CSMD1: variants seen among roughly 807,000 people sequenced by gnomAD.
The protein encoded by CSMD1 is CUB and Sushi multiple domains 1, also known as CUB and sushi domain-containing protein 1.
CSMD1 carries 213 observed loss-of-function variants against 417.5 expected under a neutral mutation model. The ratio of observed to expected loss-of-function variants is 0.51; its 90% confidence interval spans 0.46 to 0.57. CSMD1 has a LOEUF of 0.57. CSMD1 is among the 20% of genes least tolerant of loss of function. The pLI, the probability that CSMD1 is intolerant of heterozygous loss-of-function variation, is 0.00. For missense variants in CSMD1, 6,923 were observed against 4,529.7 expected, an observed-to-expected ratio of 1.53 and a Z score of -15.17; for synonymous variants, 2,862 against 1,736.8, an observed-to-expected ratio of 1.65 and a Z score of -16.11.
At chr8:4,001,849 G>A (rs1050225221) in intron 4 of CSMD1, among the ~76,000 whole-genome samples, 2 of 151,154 alleles carry the variant, frequency 1.3e-5, no homozygotes, top group African/African-American at 4.9e-5. Context: ...AGGCAAAATA[G>A]AAAAGTCAAA....
chr8:3,150,648 G>A (rs1257028313), intron 40 of CSMD1, among the ~76,000 whole-genome samples: 2 of 152,080 alleles, frequency 1.3e-5, no homozygotes, highest in Non-Finnish European at 2.9e-5. Flanking sequence ...TACTCTGCCC[G>A]AGGACATTCA....
At chr8:4,900,011 C>G (rs1003661024) in intron 1 of CSMD1, among the ~76,000 whole-genome samples, 1 of 152,112 alleles carries the variant, frequency 6.6e-6, no homozygotes, top group African/African-American at 2.4e-5. Context: ...TTGCTTTAAT[C>G]TATTCTCTTC....
chr8:2,994,803 G>A (rs555111061), intron 54 of CSMD1, among the ~76,000 whole-genome samples: 2 of 151,966 alleles, frequency 1.3e-5, no homozygotes, highest in African/African-American at 2.4e-5. Context: ...TCCTGATAAT[G>A]TTCCTTTGTA....
rs144905092 is a variant in CSMD1, at chr8:3,754,094, T to C, written c.819-52A>G. The C allele has an allele frequency of 2.2e-4, 262 of 1,218,384 alleles. No homozygotes were observed. The African/African-American group carries it at 3.4e-3, about 16-fold the overall frequency. The allele number at this position is 1,218,384 out of a possible 1,614,324, so 75.5% of individuals were successfully genotyped here. ...CTCCCTTGTAAACCAACAGAGCAAATGTCCTATATCAAACCCGCTTTGAAA... is the reference window on the plus strand; with the variant it reads ...CTCCCTTGTAAACCAACAGAGCAAACGTCCTATATCAAACCCGCTTTGAAA... On this transcript the variant is annotated intron_variant, in intron 5 of 69. Transcript: ENST00000635120.
At chr8:4,038,068 T>G (rs1054345104) in intron 3 of CSMD1, among the ~76,000 whole-genome samples, 1 of 152,120 alleles carries the variant, frequency 6.6e-6, no homozygotes, top group African/African-American at 2.4e-5. Context: ...TTCAAAAAGT[T>G]TGGAAGTAAA....
At chr8:2,956,377 G>C (rs148120296) in intron 63 of CSMD1, among the ~76,000 whole-genome samples, 1,578 of 151,982 alleles carry the variant, frequency 0.01, 21 homozygotes, top group African/African-American at 0.036. Context: ...TCCTTATAAA[G>C]TTTGCATACA....
chr8:3,513,647 G>C (rs1436217301), intron 10 of CSMD1, among the ~76,000 whole-genome samples: 4 of 152,134 alleles, frequency 2.6e-5, no homozygotes, highest in Non-Finnish European at 4.4e-5. Flanking sequence ...CATCATCTAA[G>C]ACAGTCTACC....
chr8:4,080,990 C>A (rs527853413), intron 3 of CSMD1, among the ~76,000 whole-genome samples: 2 of 152,144 alleles, frequency 1.3e-5, no homozygotes, highest in Non-Finnish European at 2.9e-5. Context: ...AGAGGCTTCA[C>A]ACAGTATTCA....
intron 12 of CSMD1, among the ~76,000 whole-genome samples, chr8:3,438,301 T>C (rs1814706837): frequency 6.6e-6 from 1 of 152,176 alleles, no homozygotes. Context: ...AATGGCAGAA[T>C]TTTGCAAAAC....
At chr8:3,772,098 G>A (rs1381183525) in intron 5 of CSMD1, among the ~76,000 whole-genome samples, 26 of 150,192 alleles carry the variant, frequency 1.7e-4, no homozygotes, top group African/African-American at 6.4e-4. Flanking sequence ...ATATTAGGGT[G>A]ATTTTGTGTG....
At chr8:4,131,153 T>C (rs1474310088) in intron 3 of CSMD1, among the ~76,000 whole-genome samples, 1 of 152,166 alleles carries the variant, frequency 6.6e-6, no homozygotes. Context: ...AATGTAGATT[T>C]TAGACAAAAG....
intron 2 of CSMD1, among the ~76,000 whole-genome samples, chr8:4,482,718 T>C (rs1042669146): frequency 1.6e-4 from 24 of 152,210 alleles, no homozygotes; most frequent in Non-Finnish European, 2.2e-4. Flanking sequence ...ACCAACAGTG[T>C]AAAAGGATTC....
chr8:3,375,372 G>A (rs1554530208), intron 18 of CSMD1: 1 of 151,614 alleles, frequency 6.6e-6, no homozygotes, highest in Non-Finnish European at 1.5e-5. Context: ...GCACAGCCTT[G>A]GGCCTGATCT....
intron 3 of CSMD1, among the ~76,000 whole-genome samples, chr8:4,272,842 T>C (rs538312132): frequency 6.6e-6 from 1 of 152,288 alleles, no homozygotes; most frequent in East Asian, 1.9e-4. Context: ...TCTTGATGAA[T>C]AAGTCTCGAC....
rs149209727 is a variant in CSMD1, at chr8:4,100,047, G to A, written c.416-67948C>T. ...AGAAGAAGATATAATGTAATAACGTGAGCATGCACTTTAGAATCCAAGAAA... is the reference window on the plus strand; with the variant it reads ...AGAAGAAGATATAATGTAATAACGTAAGCATGCACTTTAGAATCCAAGAAA... On this transcript the variant is annotated intron_variant, in intron 3 of 69. Coordinates refer to ENST00000635120, the MANE Select transcript of CSMD1 (RefSeq NM_033225.6). Among the ~76,000 whole-genome samples, 792 of 152,140 alleles carry A rather than the reference G, an allele frequency of 5.2e-3. 6 individuals carry two copies. The highest frequency in any genetic ancestry group is 0.018 in the African/African-American group (756 of 41,514).
intron 5 of CSMD1, among the ~76,000 whole-genome samples, chr8:3,911,252 T>C (rs989417199): frequency 6.6e-6 from 1 of 152,212 alleles, no homozygotes; most frequent in Non-Finnish European, 1.5e-5. Flanking sequence ...CACATCATTC[T>C]TTAGGTCATT....
intron 1 of CSMD1, among the ~76,000 whole-genome samples, chr8:4,758,142 T>C (rs933059501): frequency 7.9e-5 from 12 of 151,952 alleles, no homozygotes; most frequent in African/African-American, 1.9e-4. Context: ...CCAACCAAAA[T>C]GGTGGTGTTT....
intron 10 of CSMD1, among the ~76,000 whole-genome samples, chr8:3,506,986 G>C (rs1796853934): frequency 6.6e-6 from 1 of 152,102 alleles, no homozygotes; most frequent in Non-Finnish European, 1.5e-5. Context: ...TTGATATAGA[G>C]TTTCTAATAT....
At position 3,768,515 on chromosome 8, in the gene CSMD1, G is replaced by A. The variant is rs188787615; in HGVS notation, c.819-14473C>T. ...ATGCCATAAACAAGAATATAAAATA[G>A]CATGAGACAATTTATAAGAAAGTCC... On this transcript the variant is annotated intron_variant, in intron 5 of 69. Transcript: ENST00000635120. Among the ~76,000 whole-genome samples, 4 of 152,100 alleles carry A rather than the reference G, an allele frequency of 2.6e-5. No individual in the cohort carries two copies. The East Asian group carries it at 7.7e-4, about 29-fold the overall frequency.
Sources: allele counts gnomAD v4.1 joint callset (sites outside exome capture counted in the v4.1 genomes callset), GRCh38; gene constraint gnomAD v4.1.1; transcripts MANE v1.5; gene names NCBI Gene and HGNC (gene_info 2026-07-23, HGNC 2026-07-21).